The following SHOC1 variants were observed in gnomAD, a reference collection of about 807,000 sequenced individuals.
SHOC1 encodes the protein protein shortage in chiasmata 1 ortholog.
In SHOC1, 136 loss-of-function variants were observed where a neutral mutation model predicts 179.2. The ratio of observed to expected loss-of-function variants is 0.76; its 90% CI spans 0.66 to 0.87. The LOEUF (loss-of-function observed/expected upper bound fraction) is 0.87. Ranked by LOEUF, SHOC1 falls within the 40% of genes least tolerant of loss-of-function variation. SHOC1 has a pLI of 0.00. For synonymous variants in SHOC1, 489 were observed against 586.6 expected, an observed-to-expected ratio of 0.83 and a Z score of 2.41; for missense variants, 1,538 against 1,700.8, an observed-to-expected ratio of 0.90 and a Z score of 1.68.
chr9:111,759,129 A>G (rs370257643), intron 5 of SHOC1: 45 of 1,578,780 alleles, frequency 2.9e-5, no homozygotes, highest in East Asian at 2.0e-4. Flanking sequence ...AGATTAATCA[A>G]TGGAGGAAAA....
At position 111,693,305 on chromosome 9, in the gene SHOC1, C is replaced by CA. The variant is rs894477947; in HGVS notation, c.3465+493dup. 5.0e-4 allele frequency among the ~76,000 whole-genome samples: 65 copies of CA among 130,412 alleles called. No individual in the cohort carries two copies. The Middle Eastern group carries it at 0.016, about 32-fold the overall frequency. The allele number at this position is 130,412 out of a possible 152,430, so 85.6% of individuals were successfully genotyped here. ...TGGGTGACAGAGGGAGACTCCATCT[C>CA]AAAAAAAAAGAAAAAAATACTGTAA... On this transcript the variant is annotated intron_variant, in intron 26 of 27. Coordinates refer to ENST00000682961, the MANE Select transcript of SHOC1 (RefSeq NM_001378211.1).
At position 111,706,613 on chromosome 9, in the gene SHOC1, G is replaced by T. The variant is rs746010182; in HGVS notation, c.2692C>A (p.Pro898Thr). 1.4e-5 allele frequency: 22 copies of T among 1,598,358 alleles called. No homozygotes were observed. The South Asian group carries it at 2.5e-4, about 18-fold the overall frequency. The change falls in exon 20 of 28, where the codon CCT becomes ACT. Residue 898 changes from proline to threonine, a missense_variant. Coordinates refer to ENST00000682961, the MANE Select transcript of SHOC1 (RefSeq NM_001378211.1). ...WTKHCKELNI[P>T]YMAFKVILPD... The stretch of plus-strand genomic sequence containing the variant: ...AGAATCACTTTAAAGGCCATGTAAG[G>T]AATATTCAACTCTTTGCAGTGTTTA...
Position 111,718,205 on chromosome 9 carries a change from A to G in SHOC1, c.2215T>C (p.Cys739Arg), listed in dbSNP as rs769778522. 82 of 1,597,480 alleles carry G rather than the reference A, an allele frequency of 5.1e-5. No individual in the cohort carries two copies. Among genetic ancestry groups the G allele is most frequent in the Non-Finnish European group, 6.5e-5 (76 of 1,174,686 alleles). ...CAACCCAATGCTGTGTCCAAGCTGC[A>G]TGTTAAAAGGACATCTCTAATTGTT... ...LVTIRDVLLTCSLDTALGYLS... is the reference protein window; with the variant it reads ...LVTIRDVLLTRSLDTALGYLS... Residue 739 changes from cysteine (C) to arginine (R), a missense_variant, in exon 16 of 28, where the codon TGC (cysteine) becomes CGC (arginine). Physicochemically the swap from Cys to Arg is radical, Grantham distance 180. Coordinates refer to ENST00000682961, the MANE Select transcript of SHOC1 (RefSeq NM_001378211.1).
intron 12 of SHOC1, among the ~76,000 whole-genome samples, chr9:111,732,856 T>C (rs1406137943): frequency 6.6e-6 from 1 of 152,166 alleles, no homozygotes; most frequent in African/African-American, 2.4e-5. Flanking sequence ...TTAATTGTAG[T>C]GGTAGTTTCA....
chr9:111,769,915 G>A (rs1015660695), intron 5 of SHOC1, among the ~76,000 whole-genome samples: 10 of 140,524 alleles, frequency 7.1e-5, no homozygotes, highest in Admixed American at 6.3e-4. Context: ...TTTCATTTCT[G>A]ATTTTATTTA....
chr9:111,770,608 G>A (rs1490850761), intron 5 of SHOC1, among the ~76,000 whole-genome samples: 2 of 152,110 alleles, frequency 1.3e-5, no homozygotes, highest in Admixed American at 6.6e-5. Flanking sequence ...CTGTCTGGAT[G>A]ATCTGTCCAT....
At chr9:111,738,188 G>T in intron 12 of SHOC1, 92 bp downstream of exon 12, 1 of 1,199,166 alleles carries the variant, frequency 8.3e-7, no homozygotes, top group Non-Finnish European at 1.2e-6. Context: ...AGAACCTAGT[G>T]ATTTTCCCAA....
Position 111,781,448 on chromosome 9 carries a change from C to T in SHOC1, c.170-431G>A, listed in dbSNP as rs1418284757. On this transcript the variant is annotated intron_variant, in intron 3 of 27. Transcript: ENST00000682961. Reference sequence around the variant, plus strand: ...CCTATATTTAAAATTGTAGGCGGCACGTAGTGGCTCATGCCTGTAATCCCA... The same window carrying T: ...CCTATATTTAAAATTGTAGGCGGCATGTAGTGGCTCATGCCTGTAATCCCA... Among the ~76,000 whole-genome samples the T allele has an allele frequency of 2.6e-5, 4 of 152,164 alleles. No individual in the cohort carries two copies. In the South Asian group the frequency reaches 8.3e-4, roughly 31 times the overall value.
At chr9:111,730,929 C>T (rs1349356066) in intron 12 of SHOC1, among the ~76,000 whole-genome samples, 1 of 152,124 alleles carries the variant, frequency 6.6e-6, no homozygotes, top group Non-Finnish European at 1.5e-5. Flanking sequence ...TAATATTGGC[C>T]AGATCTTCAG....
intron 2 of SHOC1, among the ~76,000 whole-genome samples, chr9:111,789,624 GTTCCTCAACACCA>G (rs1255818010): frequency 5.9e-5 from 9 of 151,924 alleles, no homozygotes; most frequent in African/African-American, 2.2e-4. Flanking sequence ...TATTTGAGCG[GTTCCTCAACACCA>G]TTTTCATGAA....
chr9:111,709,800 TG>T (rs1461845033), intron 18 of SHOC1, among the ~76,000 whole-genome samples: 1 of 152,158 alleles, frequency 6.6e-6, no homozygotes, highest in Non-Finnish European at 1.5e-5. Context: ...GATAAATGCT[TG>T]AGGGGATGGA....
In SHOC1 at chr9:111,759,359, G is replaced by T. The variant is rs376103293; in HGVS notation, c.443-511C>A. The T allele has an allele frequency of 6.7e-5, 100 of 1,492,876 alleles. 3 individuals are homozygous for T. The highest frequency in any genetic ancestry group is 6.4e-4 in the East Asian group (28 of 43,756). 92.5% of individuals were successfully genotyped at this position (1,492,876 alleles called of 1,614,324 possible). On this transcript the variant is annotated intron_variant, in intron 5 of 27. Coordinates refer to ENST00000682961, the MANE Select transcript of SHOC1 (RefSeq NM_001378211.1). ...CTATTATTCTTAAGTTATTCACATG[G>T]TTGCTATAAAATTATTTACAGTGAA... is the stretch of plus-strand genomic sequence containing the variant.
chr9:111,704,745 TG>T (rs1244041117), intron 21 of SHOC1, among the ~76,000 whole-genome samples: 4 of 103,234 alleles, frequency 3.9e-5, no homozygotes, highest in African/African-American at 1.3e-4. Context: ...TAACATCTAA[TG>T]TTGGTATGAC....
chr9:111,734,436 C>T (rs975594961), intron 12 of SHOC1, among the ~76,000 whole-genome samples: 1 of 152,056 alleles, frequency 6.6e-6, no homozygotes, highest in African/African-American at 2.4e-5. Flanking sequence ...CTTATTCCAC[C>T]GTGGGTACCA....
intron 12 of SHOC1, among the ~76,000 whole-genome samples, chr9:111,733,159 G>GA (rs1326093445): frequency 2.0e-5 from 3 of 151,090 alleles, no homozygotes; most frequent in Non-Finnish European, 4.4e-5. Flanking sequence ...AATTGATTTG[G>GA]AAAAAAAACA....
intron 5 of SHOC1, among the ~76,000 whole-genome samples, chr9:111,772,883 A>G (rs1835677033): frequency 1.3e-5 from 2 of 152,174 alleles, no homozygotes; most frequent in Non-Finnish European, 2.9e-5. Context: ...CAGGTTAAAT[A>G]AAGAAGTCTC....
intron 21 of SHOC1, 133 bp from the exon 22 acceptor site, chr9:111,704,125 C>G (rs1832131798): frequency 3.8e-6 from 2 of 532,040 alleles, no homozygotes; most frequent in East Asian, 6.0e-5. Context: ...ATTTGTTCTA[C>G]TTTATAAAAT....
chr9:111,708,886 G>C (rs1402008753), intron 18 of SHOC1, among the ~76,000 whole-genome samples: 1 of 152,120 alleles, frequency 6.6e-6, no homozygotes, highest in African/African-American at 2.4e-5. Flanking sequence ...CTCTATTAGT[G>C]TATTTTTTCA....
intron 11 of SHOC1, among the ~76,000 whole-genome samples, chr9:111,739,872 T>C (rs900795346): frequency 1.3e-5 from 2 of 150,054 alleles, no homozygotes; most frequent in Non-Finnish European, 3.0e-5. Flanking sequence ...TGGAAGGTCT[T>C]TGAAGCACGA....
Sources: allele counts gnomAD v4.1 joint callset (sites outside exome capture counted in the v4.1 genomes callset), GRCh38; gene constraint gnomAD v4.1.1; transcripts MANE v1.5; gene names NCBI Gene and HGNC (gene_info 2026-07-23, HGNC 2026-07-21).